Variants in RAB7A observed in about 807,000 individuals in gnomAD.
The protein encoded by RAB7A is ras-related protein Rab-7a.
A neutral mutation model predicts 24.5 loss-of-function variants in RAB7A; 2 were observed. The observed-to-expected ratio is 0.08, with a 90% CI of 0.03 to 0.26. The LOEUF (loss-of-function observed/expected upper bound fraction) is 0.26, where lower values mean the gene tolerates loss of function less well. Ranked by LOEUF, RAB7A falls within the 10% of genes least tolerant of loss-of-function variation. RAB7A has a pLI of 1.00. For synonymous variants in RAB7A, 100 were observed against 95.9 expected, an observed-to-expected ratio of 1.04 and a Z score of -0.25; for missense variants, 118 against 255.7, an observed-to-expected ratio of 0.46 and a Z score of 3.67.
intron 1 of RAB7A, among the ~76,000 whole-genome samples, chr3:128,747,839 C>A (rs2107589599): frequency 6.6e-6 from 1 of 151,442 alleles, no homozygotes; most frequent in South Asian, 2.1e-4. Context: ...GTGATCTTGG[C>A]TCACTGCAAC....
chr3:128,740,415 T>G (rs971918220), intron 1 of RAB7A, among the ~76,000 whole-genome samples: 2 of 152,222 alleles, frequency 1.3e-5, no homozygotes, highest in Non-Finnish European at 2.9e-5. Context: ...AATCATTTCC[T>G]TAAGATTTAG....
At chr3:128,800,388 C>T (rs1340054644) in intron 3 of RAB7A, among the ~76,000 whole-genome samples, 2 of 152,080 alleles carry the variant, frequency 1.3e-5, no homozygotes, top group Non-Finnish European at 2.9e-5. Flanking sequence ...GCCATGTGGG[C>T]CAGCGAATTC....
chr3:128,781,115 A>C (rs1009003856), intron 1 of RAB7A, among the ~76,000 whole-genome samples: 1 of 152,252 alleles, frequency 6.6e-6, no homozygotes, highest in African/African-American at 2.4e-5. Context: ...TTAGAAATAC[A>C]ACAAGGACAT....
At chr3:128,788,633 C>G (rs73198847) in intron 1 of RAB7A, among the ~76,000 whole-genome samples, 6,320 of 152,262 alleles carry the variant, frequency 0.042, 180 homozygotes, top group Non-Finnish European at 0.058. Flanking sequence ...CACCATAAAG[C>G]CTTCACCTCC....
intron 1 of RAB7A, among the ~76,000 whole-genome samples, chr3:128,770,000 T>C (rs2070869094): frequency 6.6e-6 from 1 of 151,322 alleles, no homozygotes; most frequent in Non-Finnish European, 1.5e-5. Context: ...CTTTTTTCCT[T>C]TTTTCTTTTT....
In RAB7A at chr3:128,795,431, C is replaced by T; in HGVS notation, c.53+11C>T. On this transcript the variant is annotated intron_variant, in intron 2 of 5. Transcript: ENST00000265062. ...CCTGGGAGATTCTGGGTAAGTTACT[C>T]ATGAATTTGAGCTAACAGATTGGCT... 1 of 1,609,074 alleles carries T rather than the reference C, an allele frequency of 6.2e-7. No individual in the cohort carries two copies. The highest frequency in any genetic ancestry group is 8.5e-7 in the Non-Finnish European group (1 of 1,175,440).
At chr3:128,730,463 C>T (rs573153521) in intron 1 of RAB7A, among the ~76,000 whole-genome samples, 7 of 152,246 alleles carry the variant, frequency 4.6e-5, no homozygotes, top group Non-Finnish European at 5.9e-5. Flanking sequence ...CTCCTGACCT[C>T]GTGATCCACC....
intron 1 of RAB7A, among the ~76,000 whole-genome samples, chr3:128,788,265 G>C (rs565130908): frequency 6.6e-6 from 1 of 152,330 alleles, no homozygotes; most frequent in South Asian, 2.1e-4. Context: ...AGCTCTTGAA[G>C]TGAAAAGGTA....
intron 1 of RAB7A, among the ~76,000 whole-genome samples, chr3:128,763,394 T>C (rs575798073): frequency 1.3e-5 from 2 of 151,580 alleles, no homozygotes; most frequent in African/African-American, 2.4e-5. Flanking sequence ...TTTTTTTGTA[T>C]TTTTAGTAGA....
At chr3:128,802,737 G>A (rs1370064050) in intron 3 of RAB7A, among the ~76,000 whole-genome samples, 1 of 151,422 alleles carries the variant, frequency 6.6e-6, no homozygotes, top group African/African-American at 2.4e-5. Flanking sequence ...TTGATCTCTT[G>A]ACCTCATGAT....
intron 2 of RAB7A, among the ~76,000 whole-genome samples, chr3:128,797,475 T>G (rs1351144009): frequency 1.3e-5 from 2 of 152,232 alleles, no homozygotes; most frequent in African/African-American, 4.8e-5. Context: ...AAGCAGCAAA[T>G]TGTCTGAGTG....
In RAB7A at chr3:128,813,453, TC is replaced by T; in HGVS notation, c.*32del. The stretch of plus-strand genomic sequence containing the variant: ...CAGTGAGAGTTGAGCACAGAGTCCT[TC>T]ACAAACCAAGAACACACGTAGGCCT... On this transcript the variant is annotated 3_prime_UTR_variant, in exon 6 of 6. Transcript: ENST00000265062. 1 of 1,592,984 alleles carries T rather than the reference TC, an allele frequency of 6.3e-7. No homozygotes were observed. The highest frequency in any genetic ancestry group is 1.7e-5 in the Admixed American group (1 of 59,988).
intron 1 of RAB7A, among the ~76,000 whole-genome samples, chr3:128,768,071 C>T (rs2070849607): frequency 6.6e-6 from 1 of 152,068 alleles, no homozygotes; most frequent in Admixed American, 6.6e-5. Context: ...CGTAATTCAC[C>T]CTCCTGCCTA....
chr3:128,754,485 G>A lies in RAB7A; in HGVS notation c.-9+28126G>A, dbSNP rs114861071. Among the ~76,000 whole-genome samples the A allele has an allele frequency of 3.3e-3, 501 of 152,256 alleles. 7 individuals are homozygous for A. The highest frequency in any genetic ancestry group is 9.8e-3 in the African/African-American group (409 of 41,566). The stretch of plus-strand genomic sequence containing the variant: ...CAAAGATCAACTAAACACAAAATAA[G>A]ATAATAATGCAGGAAATAGGGGACA... On this transcript the variant is annotated intron_variant, in intron 1 of 5. Coordinates refer to ENST00000265062, the MANE Select transcript of RAB7A (RefSeq NM_004637.6).
chr3:128,756,251 G>A (rs940994981), intron 1 of RAB7A, among the ~76,000 whole-genome samples: 1 of 148,512 alleles, frequency 6.7e-6, no homozygotes. Flanking sequence ...GCTGAGGCAG[G>A]AGAATCGCTT....
intron 1 of RAB7A, among the ~76,000 whole-genome samples, chr3:128,758,543 G>A (rs1056718675): frequency 2.6e-5 from 4 of 151,840 alleles, no homozygotes; most frequent in Non-Finnish European, 4.4e-5. Context: ...CCAAAGTGCT[G>A]GGAATTACAG....
At chr3:128,742,972 CA>C (rs1355442083) in intron 1 of RAB7A, among the ~76,000 whole-genome samples, 2 of 152,236 alleles carry the variant, frequency 1.3e-5, no homozygotes, top group Non-Finnish European at 2.9e-5. Context: ...CGCTGCAGAG[CA>C]GGGGGCGGTG....
At position 128,766,446 on chromosome 3, in the gene RAB7A, A is replaced by G. The variant is rs184664459; in HGVS notation, c.-8-28914A>G. Reference sequence around the variant, plus strand: ...AGGACAGAAGGCATAAAATTGGACTAAATTTATTGTATGGTTCTTTTCTGG... The same window carrying G: ...AGGACAGAAGGCATAAAATTGGACTGAATTTATTGTATGGTTCTTTTCTGG... On this transcript the variant is annotated intron_variant, in intron 1 of 5. Coordinates refer to ENST00000265062, the MANE Select transcript of RAB7A (RefSeq NM_004637.6). Among the ~76,000 whole-genome samples, 5 of 152,358 alleles carry G rather than the reference A, an allele frequency of 3.3e-5. No individual in the cohort carries two copies. In the East Asian group the frequency reaches 9.6e-4, roughly 29 times the overall value.
intron 1 of RAB7A, among the ~76,000 whole-genome samples, chr3:128,778,071 G>A (rs1006995074): frequency 6.7e-6 from 1 of 149,460 alleles, no homozygotes; most frequent in African/African-American, 2.5e-5. Context: ...TAGATATCAA[G>A]TAGTGAAATG....
Sources: gnomAD v4.1 joint callset for allele counts (sites outside exome capture counted in the v4.1 genomes callset) on GRCh38, gnomAD v4.1.1 for gene constraint, MANE v1.5 for transcripts, NCBI Gene and HGNC (gene_info 2026-07-23, HGNC 2026-07-21) for gene names.